The following ULK1 variants were observed in gnomAD, a reference collection of about 807,000 sequenced individuals.
The protein encoded by ULK1 is serine/threonine-protein kinase ULK1.
In ULK1, 48 loss-of-function variants were observed where a neutral mutation model predicts 117.5. The observed-to-expected ratio is 0.41, with a 90% CI of 0.32 to 0.52. The LOEUF is 0.52. ULK1 is among the 20% of genes least tolerant of loss of function. ULK1 has a pLI of 0.29. For missense variants in ULK1, 1,387 were observed against 1,473.4 expected, an observed-to-expected ratio of 0.94 and a Z score of 0.96; for synonymous variants, 790 against 637.8, an observed-to-expected ratio of 1.24 and a Z score of -3.60.
At chr12:131,920,238 G>C in intron 26 of ULK1, 102 bp downstream of exon 26, 2 of 1,434,414 alleles carry the variant, frequency 1.4e-6, no homozygotes. Context: ...GTGAGACTTT[G>C]GGGGGTGTCA....
chr12:131,902,440 AC>A lies in ULK1; in HGVS notation c.247-4450del, dbSNP rs1889125355. On this transcript the variant is annotated intron_variant, in intron 3 of 27. Coordinates refer to ENST00000321867, the MANE Select transcript of ULK1 (RefSeq NM_003565.4). The surrounding 1 kb of genome is among the most constrained non-coding windows in gnomAD (Gnocchi z 6.3). Reference sequence around the variant, plus strand: ...ACACCCGTGCCAGGCTGCCTGGGACACCTGGCTCTGGCCGGCCGTGGGTGCG... The same window carrying A: ...ACACCCGTGCCAGGCTGCCTGGGACACTGGCTCTGGCCGGCCGTGGGTGCG... Among the ~76,000 whole-genome samples the A allele has an allele frequency of 6.6e-6, 1 of 152,222 alleles. No individual in the cohort carries two copies. Among genetic ancestry groups the A allele is most frequent in the South Asian group, 2.1e-4 (1 of 4,828 alleles).
Position 131,916,448 on chromosome 12 carries a change from G to A in ULK1, c.1929G>A (p.Leu643=). The change falls in exon 20 of 28, where the codon CTG becomes CTA. Residue 643 remains leucine (L), a synonymous_variant. Coordinates refer to ENST00000321867, the MANE Select transcript of ULK1 (RefSeq NM_003565.4). The stretch of plus-strand genomic sequence containing the variant: ...AGACCCCCAGCTCCCAGAACCTGCT[G>A]GCCCTCCTAGCCCGGCAGGGCGTGG... The part of the protein sequence containing the change: ...FPKTPSSQNL[L]ALLARQGVVM... 1 of 1,609,534 alleles carries A rather than the reference G, an allele frequency of 6.2e-7. No individual in the cohort carries two copies.
At chr12:131,905,326 C>T (rs1176138900) in intron 3 of ULK1, among the ~76,000 whole-genome samples, 2 of 152,060 alleles carry the variant, frequency 1.3e-5, no homozygotes, top group Non-Finnish European at 2.9e-5. Context: ...TTGCGGCTGT[C>T]CCCCCCACCA....
intron 3 of ULK1, 119 bp downstream of exon 3, chr12:131,895,943 T>A: frequency 7.8e-7 from 1 of 1,286,968 alleles, no homozygotes; most frequent in Non-Finnish European, 1.1e-6. Context: ...ACTGGGCCCC[T>A]GGAGACTCCA....
rs1195937750 is a variant in ULK1, at chr12:131,922,077, C to CA, written c.*716_*717insA. 1.3e-5 allele frequency: 6 copies of CA among 451,690 alleles called. No individual in the cohort carries two copies. Among genetic ancestry groups the CA allele is most frequent in the Non-Finnish European group, 2.7e-5 (6 of 223,442 alleles). The allele number at this position is 451,690 out of a possible 1,614,324, so 28.0% of individuals were successfully genotyped here. Reference sequence around the variant, plus strand: ...CTTTGTTCAAGCGTTCCTCTGGGGACCGGCAGCAGAGGCACCGTGTTCTCT... The same window carrying CA: ...CTTTGTTCAAGCGTTCCTCTGGGGACACGGCAGCAGAGGCACCGTGTTCTCT... On this transcript the variant is annotated 3_prime_UTR_variant, in exon 28 of 28. Coordinates refer to ENST00000321867, the MANE Select transcript of ULK1 (RefSeq NM_003565.4).
Position 131,921,176 on chromosome 12 carries a change from T to C in ULK1, c.3038T>C (p.Leu1013Pro). 6.2e-7 allele frequency: 1 copy of C among 1,605,854 alleles called. No individual in the cohort carries two copies. Among genetic ancestry groups the C allele is most frequent in the Non-Finnish European group, 8.5e-7 (1 of 1,179,876 alleles). The change falls in exon 27 of 28, where the codon CTC becomes CCC. Residue 1013 changes from leucine (L) to proline (P), a missense_variant. Leu to Pro is a moderately conservative substitution (Grantham distance 98). Transcript: ENST00000321867. Reference protein sequence around the residue: ...CVPRYHKALLLLEGLQHMLSD... With the variant: ...CVPRYHKALLPLEGLQHMLSD... ...CCACGCTACCACAAGGCCCTGCTGC[T>C]CCTGGAGGGGCTGCAGCACATGCTC...
intron 15 of ULK1, 75 bp downstream of exon 15, chr12:131,913,911 G>T (rs1235325179): frequency 7.8e-7 from 1 of 1,280,186 alleles, no homozygotes. Context: ...CCTGTGTGTC[G>T]CAGCCAGCCC....
At chr12:131,900,036 G>T (rs1889023179) in intron 3 of ULK1, among the ~76,000 whole-genome samples, 1 of 145,410 alleles carries the variant, frequency 6.9e-6, no homozygotes, top group African/African-American at 2.6e-5. Context: ...AGAATCGCTT[G>T]AACCCAGGAA....
rs377690352 is a variant in ULK1, at chr12:131,916,133, C to T, written c.1852C>T (p.Pro618Ser). Residue 618 changes from proline (P) to serine (S), a missense_variant, in exon 19 of 28, where the codon CCC becomes TCC. This residue lies in a region of ULK1 where 900 missense variants were observed against 858.9 expected (regional missense o/e 1.05). Transcript: ENST00000321867. ...CGACTTCCTGCAGCGAAACCCCCTGCCCCCCATCCTGGGCTCCCCCACCAA... is the reference window on the plus strand; with the variant it reads ...CGACTTCCTGCAGCGAAACCCCCTGTCCCCCATCCTGGGCTCCCCCACCAA... ...LPDFLQRNPL[P>S]PILGSPTKAV... 9.6e-5 allele frequency: 154 copies of T among 1,612,240 alleles called. No individual in the cohort carries two copies. The highest frequency in any genetic ancestry group is 1.2e-4 in the Non-Finnish European group (147 of 1,179,760).
chr12:131,895,434 C>G lies in ULK1; in HGVS notation c.112-167C>G, dbSNP rs573235862. On this transcript the variant is annotated intron_variant, in intron 1 of 27. Coordinates refer to ENST00000321867, the MANE Select transcript of ULK1 (RefSeq NM_003565.4). ...CACAGCCGGCTTTCGAGGCTGGATC[C>G]CTACCCCAGGACCCCCAGCGCGATC... Among the ~76,000 whole-genome samples the G allele has an allele frequency of 5.9e-4, 89 of 152,118 alleles. 1 individual carries two copies. Among genetic ancestry groups the G allele is most frequent in the African/African-American group, 2.0e-3 (84 of 41,512 alleles).
rs986493799 is a variant in ULK1, at chr12:131,909,332, C to A, written c.666+95C>A. On this transcript the variant is annotated intron_variant, in intron 8 of 27. Coordinates refer to ENST00000321867, the MANE Select transcript of ULK1 (RefSeq NM_003565.4). The stretch of plus-strand genomic sequence containing the variant: ...CCCCCTGCGAGCCCTGCCCGCGCCC[C>A]ACGAGCTCCCCTCGGGTCCTGGCTG... 49 of 1,355,592 alleles carry A rather than the reference C, an allele frequency of 3.6e-5. No homozygotes were observed. In the African/African-American group the frequency reaches 6.8e-4, roughly 19 times the overall value. The allele number at this position is 1,355,592 out of a possible 1,614,324, so 84.0% of individuals were successfully genotyped here.
intron 3 of ULK1, among the ~76,000 whole-genome samples, chr12:131,905,383 CA>C (rs1025402417): frequency 5.9e-5 from 9 of 152,084 alleles, no homozygotes; most frequent in African/African-American, 2.2e-4. Context: ...GGGGGCTGAG[CA>C]GGGGTCCTGT....
At position 131,921,201 on chromosome 12, in the gene ULK1, C is replaced by G. The variant is rs761799707; in HGVS notation, c.3063C>G (p.Leu1021=). Residue 1021 remains leucine, a synonymous_variant, in exon 27 of 28, where the codon CTC becomes CTG. Coordinates refer to ENST00000321867, the MANE Select transcript of ULK1 (RefSeq NM_003565.4). ...TCCTGGAGGGGCTGCAGCACATGCT[C>G]TCGGACCAGGCCGACATCGAGAACG... ...LLLLEGLQHM[L]SDQADIENVT... is the part of the protein sequence containing the mutation. 7.3e-5 allele frequency: 117 copies of G among 1,606,584 alleles called. No individual in the cohort carries two copies. Among genetic ancestry groups the G allele is most frequent in the Non-Finnish European group, 9.7e-5 (114 of 1,179,908 alleles).
Position 131,920,884 on chromosome 12 carries a change from G to A in ULK1, c.2962-216G>A, listed in dbSNP as rs1273050513. ...CTCTGTTGTCCTGGGGCCGGGCTGA[G>A]AGCGCTGGCCAGGGTCATCTGGTTC... On this transcript the variant is annotated intron_variant, in intron 26 of 27. Transcript: ENST00000321867. 1.7e-5 allele frequency: 11 copies of A among 631,210 alleles called. No individual in the cohort carries two copies. The Admixed American group carries it at 2.2e-4, about 12-fold the overall frequency. The allele number at this position is 631,210 out of a possible 1,614,324, so 39.1% of individuals were successfully genotyped here. A position where few individuals can be genotyped will look rare whatever the true frequency, so the allele number is the denominator to read the frequency against.
chr12:131,914,491 C>G lies in ULK1; in HGVS notation c.1373+14C>G, dbSNP rs1889686286. The G allele has an allele frequency of 6.2e-7, 1 of 1,607,996 alleles. No homozygotes were observed. The highest frequency in any genetic ancestry group is 8.5e-7 in the Non-Finnish European group (1 of 1,176,480). ...CCAAACACCTCGGTGAGTGTGGAGC[C>G]CCCAGGTAGCCAGGCGTGGCTGGGG... is the stretch of plus-strand genomic sequence containing the variant. On this transcript the variant is annotated intron_variant, in intron 16 of 27. Coordinates refer to ENST00000321867, the MANE Select transcript of ULK1 (RefSeq NM_003565.4).
intron 12 of ULK1, 41 bp from the exon 13 acceptor site, chr12:131,911,901 G>A: frequency 3.1e-6 from 5 of 1,612,210 alleles, no homozygotes; most frequent in Non-Finnish European, 4.2e-6. Flanking sequence ...GAGTGTGTAG[G>A]TCCCTGAGAC....
chr12:131,916,093 C>T lies in ULK1; in HGVS notation c.1812C>T (p.Gly604=), dbSNP rs907052343. The T allele has an allele frequency of 1.9e-6, 3 of 1,612,608 alleles. No individual in the cohort carries two copies. Among genetic ancestry groups the T allele is most frequent in the Non-Finnish European group, 2.5e-6 (3 of 1,179,882 alleles). The change falls in exon 19 of 28, where the codon GGC becomes GGT. Residue 604 remains glycine (G), a synonymous_variant. Coordinates refer to ENST00000321867, the MANE Select transcript of ULK1 (RefSeq NM_003565.4). The stretch of plus-strand genomic sequence containing the variant: ...TGCAGTCCTGCCGGAACCTGCGGGG[C>T]TCACCCAAGCTGCCCGACTTCCTGC... The part of the protein sequence containing the change: ...HGLQSCRNLR[G]SPKLPDFLQR...
rs2136382642 is a variant in ULK1, at chr12:131,902,326, G to C, written c.247-4566G>C. Among the ~76,000 whole-genome samples, 3 of 152,338 alleles carry C rather than the reference G, an allele frequency of 2.0e-5. No individual in the cohort carries two copies. The highest frequency in any genetic ancestry group is 3.9e-4 in the East Asian group (2 of 5,182). On this transcript the variant is annotated intron_variant, in intron 3 of 27. Transcript: ENST00000321867. The surrounding 1 kb of genome is among the most constrained non-coding windows in gnomAD (Gnocchi z 6.3). ...GGCCCAGCCCAGGATCACCAGACAAGAGTAGGGCTGGCAGAGGGTGGGAGC... is the reference window on the plus strand; with the variant it reads ...GGCCCAGCCCAGGATCACCAGACAACAGTAGGGCTGGCAGAGGGTGGGAGC...
intron 3 of ULK1, among the ~76,000 whole-genome samples, chr12:131,904,718 A>G (rs1889205227): frequency 6.6e-6 from 1 of 151,696 alleles, no homozygotes; most frequent in African/African-American, 2.4e-5. Flanking sequence ...GTCTTAGGGA[A>G]CCCCTGGCTC....
Sources: gnomAD v4.1 joint callset for allele counts (sites outside exome capture counted in the v4.1 genomes callset) on GRCh38, gnomAD v4.1.1 for gene constraint, gnomAD v4.1.1 regional missense constraint, Gnocchi (gnomAD v3.1) non-coding constraint, MANE v1.5 for transcripts, NCBI Gene and HGNC (gene_info 2026-07-23, HGNC 2026-07-21) for gene names.